Variants in STK32B observed in about 807,000 individuals in gnomAD.
STK32B encodes serine/threonine-protein kinase 32B.
STK32B carries 43 observed loss-of-function variants against 52.6 expected under a neutral mutation model. The observed-to-expected ratio is 0.82, with a 90% confidence interval of 0.64 to 1.05. STK32B has a LOEUF of 1.05. Ranked by LOEUF, STK32B falls within the 50% of genes least tolerant of loss-of-function variation. The pLI is 0.00. For missense variants in STK32B, 621 were observed against 534.6 expected (o/e 1.16, Z -1.59); for synonymous variants, 238 against 204.3 (o/e 1.17, Z -1.41).
chr4:5,074,969 G>A (rs1711990757), intron 1 of STK32B, among the ~76,000 whole-genome samples: 1 of 151,948 alleles, frequency 6.6e-6, no homozygotes, highest in Admixed American at 6.6e-5. Context: ...TCCAACACTG[G>A]GCAGCTACTG....
chr4:5,146,962 T>G (rs1033467291), intron 2 of STK32B, among the ~76,000 whole-genome samples: 1 of 152,230 alleles, frequency 6.6e-6, no homozygotes, highest in African/African-American at 2.4e-5. Context: ...ACTGTGGAAT[T>G]ACAATTGGTC....
At chr4:5,456,683 GA>G (rs746057754) in intron 7 of STK32B, 123 bp from the exon 8 acceptor site, 7 of 906,228 alleles carry the variant, frequency 7.7e-6, no homozygotes, top group Non-Finnish European at 1.1e-5. Flanking sequence ...CCGTGAAAGA[GA>G]AGCACCCACT....
At position 5,363,169 on chromosome 4, in the gene STK32B, A is replaced by G. The variant is rs541773741; in HGVS notation, c.434+31776A>G. 1.8e-4 allele frequency among the ~76,000 whole-genome samples: 28 copies of G among 152,368 alleles called. 1 individual carries two copies. In the South Asian group the frequency reaches 5.4e-3, roughly 29 times the overall value. On this transcript the variant is annotated intron_variant, in intron 4 of 11. Transcript: ENST00000282908. ...CACGGTGCCTATCAGGAATGTTTAA[A>G]GGGTGAGCATAGAATGCAGTCATGA...
intron 3 of STK32B, among the ~76,000 whole-genome samples, chr4:5,193,498 G>A (rs558643999): frequency 1.3e-5 from 2 of 152,286 alleles, no homozygotes; most frequent in East Asian, 3.9e-4. Context: ...CATGGACCTT[G>A]CCTCCCAGGC....
chr4:5,144,583 A>T (rs1199659320), intron 2 of STK32B, among the ~76,000 whole-genome samples: 1 of 152,154 alleles, frequency 6.6e-6, no homozygotes, highest in Non-Finnish European at 1.5e-5. Context: ...GTCACTGCTG[A>T]TAAATGGTGG....
At chr4:5,382,369 A>G (rs1735986842) in intron 4 of STK32B, among the ~76,000 whole-genome samples, 1 of 152,196 alleles carries the variant, frequency 6.6e-6, no homozygotes. Context: ...TGCTATGAGA[A>G]TCAAATGAAA....
intron 2 of STK32B, among the ~76,000 whole-genome samples, chr4:5,142,408 C>T (rs1716545720): frequency 6.6e-6 from 1 of 152,202 alleles, no homozygotes; most frequent in Non-Finnish European, 1.5e-5. Flanking sequence ...TTGAGTTGTG[C>T]CAAGTTCTGC....
chr4:5,395,219 T>C lies in STK32B; in HGVS notation c.435-2988T>C, dbSNP rs1019982104. Among the ~76,000 whole-genome samples the C allele has an allele frequency of 1.1e-4, 17 of 152,266 alleles. No individual in the cohort carries two copies. Among genetic ancestry groups the C allele is most frequent in the African/African-American group, 4.1e-4 (17 of 41,552 alleles). ...AGTCTGCCAAGACAGAGTCATATAA[T>C]GTAACATAATCCCGGGACTGCCATC... On this transcript the variant is annotated intron_variant, in intron 4 of 11. Coordinates refer to ENST00000282908, the MANE Select transcript of STK32B (RefSeq NM_018401.3). This position sits in a 1 kb window ranked among gnomAD's most constrained non-coding sequence, Gnocchi z 4.4.
intron 2 of STK32B, among the ~76,000 whole-genome samples, chr4:5,159,174 G>C (rs956024438): frequency 6.6e-6 from 1 of 152,172 alleles, no homozygotes; most frequent in Non-Finnish European, 1.5e-5. Context: ...GGACACCGTA[G>C]AGCTGTGCTT....
In STK32B at chr4:5,051,922, G is replaced by A. The variant is rs375596921; in HGVS notation, c.52+7G>A. On this transcript the variant is annotated splice_region_variant and intron_variant, in intron 1 of 11. Transcript: ENST00000282908. ...TTTGACGAGAATGAGGAAGGTAAGAGAGCGAGAGGTGCGAATTCCCGCTTC... is the reference window on the plus strand; with the variant it reads ...TTTGACGAGAATGAGGAAGGTAAGAAAGCGAGAGGTGCGAATTCCCGCTTC... The A allele has an allele frequency of 8.8e-6, 14 of 1,591,836 alleles. No homozygotes were observed. In the African/African-American group the frequency reaches 9.4e-5, roughly 11 times the overall value.
At position 5,445,502 on chromosome 4, in the gene STK32B, G is replaced by A. The variant is rs190616596; in HGVS notation, c.563-1171G>A. Reference sequence around the variant, plus strand: ...CAATTAGACCCTACAATGCACTCCGGGCCTAGTGAGGTGGAGGTGAGGCAC... The same window carrying A: ...CAATTAGACCCTACAATGCACTCCGAGCCTAGTGAGGTGGAGGTGAGGCAC... On this transcript the variant is annotated intron_variant, in intron 6 of 11. Transcript: ENST00000282908. Among the ~76,000 whole-genome samples the A allele has an allele frequency of 3.3e-5, 5 of 152,130 alleles. No homozygotes were observed. In the East Asian group the frequency reaches 7.7e-4, roughly 24 times the overall value.
At chr4:5,369,868 T>TTTTG (rs1360266192) in intron 4 of STK32B, among the ~76,000 whole-genome samples, 2 of 151,536 alleles carry the variant, frequency 1.3e-5, no homozygotes, top group East Asian at 3.9e-4. Context: ...AGTATATTTT[T>TTTTG]TTTGTTTGTT....
At chr4:5,220,458 A>G (rs4688920) in intron 3 of STK32B, among the ~76,000 whole-genome samples, 38,088 of 152,136 alleles carry the variant, frequency 0.25, 5,029 homozygotes, top group East Asian at 0.37. Flanking sequence ...TCTGGATGAA[A>G]TTGACCTTTG....
rs1351225154 is a variant in STK32B, at chr4:5,204,426, G to GT, written c.260+35976_260+35977insT. 1.7e-4 allele frequency among the ~76,000 whole-genome samples: 26 copies of GT among 151,118 alleles called. 1 individual carries two copies. Among genetic ancestry groups the GT allele is most frequent in the Admixed American group, 1.2e-3 (18 of 15,186 alleles). On this transcript the variant is annotated intron_variant, in intron 3 of 11. Transcript: ENST00000282908. Reference sequence around the variant, plus strand: ...TTTGTTTGTTTGTTTTTGTTTTTTAGGTTTTTTTTGTTTGTTTTTGTTTTT... The same window carrying GT: ...TTTGTTTGTTTGTTTTTGTTTTTTAGTGTTTTTTTTGTTTGTTTTTGTTTTT...
intron 3 of STK32B, among the ~76,000 whole-genome samples, chr4:5,293,809 C>T (rs886990938): frequency 6.6e-6 from 1 of 151,960 alleles, no homozygotes; most frequent in East Asian, 1.9e-4. Context: ...CTCATTTGTT[C>T]ATTTTGGCTT....
At chr4:5,141,225 A>T (rs190973098) in intron 2 of STK32B, among the ~76,000 whole-genome samples, 2 of 152,248 alleles carry the variant, frequency 1.3e-5, no homozygotes, top group Admixed American at 6.5e-5. Flanking sequence ...TTTCCATATC[A>T]TAGATGGTTC....
At chr4:5,289,702 T>G (rs1308178611) in intron 3 of STK32B, among the ~76,000 whole-genome samples, 2 of 143,532 alleles carry the variant, frequency 1.4e-5, no homozygotes, top group African/African-American at 5.1e-5. Context: ...TTTTTTTTTT[T>G]TTTTTTTTTT....
chr4:5,326,749 A>G (rs904591148), intron 3 of STK32B, among the ~76,000 whole-genome samples: 5 of 152,124 alleles, frequency 3.3e-5, no homozygotes, highest in African/African-American at 1.2e-4. Flanking sequence ...ATGGCTGCTT[A>G]CTGATCAGAG....
At chr4:5,255,695 G>C (rs754836613) in intron 3 of STK32B, among the ~76,000 whole-genome samples, 16 of 151,958 alleles carry the variant, frequency 1.1e-4, no homozygotes, top group Non-Finnish European at 1.9e-4. Flanking sequence ...TTTTATGTTT[G>C]GCTACTTTCA....
Sources: allele counts gnomAD v4.1 joint callset (sites outside exome capture counted in the v4.1 genomes callset), GRCh38; gene constraint gnomAD v4.1.1; non-coding constraint Gnocchi (gnomAD v3.1); transcripts MANE v1.5; gene names NCBI Gene and HGNC (gene_info 2026-07-23, HGNC 2026-07-21).